The following ANOS1 variants were observed in gnomAD, a reference collection of about 807,000 sequenced individuals.
ANOS1 encodes anosmin 1, also known as anosmin-1.
In ANOS1, 6 loss-of-function variants were observed where a neutral mutation model predicts 59.0. The ratio of observed to expected loss-of-function variants is 0.10; its 90% CI spans 0.06 to 0.20. The LOEUF is 0.20. Ranked by LOEUF, ANOS1 falls within the 10% of genes least tolerant of loss-of-function variation. ANOS1 has a pLI of 1.00. For synonymous variants in ANOS1, 217 were observed against 223.4 expected (o/e 0.97, Z 0.25); for missense variants, 433 against 542.3 (o/e 0.80, Z 2.00).
chrX:8,578,951 G>C (rs1421221394), intron 6 of ANOS1, among the ~76,000 whole-genome samples: 1 of 112,077 alleles, frequency 8.9e-6, no homozygotes, highest in Non-Finnish European at 1.9e-5. Flanking sequence ...ACAGTAGCCA[G>C]AAACAAACAC....
At chrX:8,594,662 A>ATATATATG (rs1930685226) in intron 4 of ANOS1, among the ~76,000 whole-genome samples, 1 of 14,585 alleles carries the variant, frequency 6.9e-5, no homozygotes, top group South Asian at 3.5e-3. Flanking sequence ...ATATGTGTAT[A>ATATATATG]TATATATATA....
At chrX:8,663,953 A>G (rs1345581032) in intron 2 of ANOS1, among the ~76,000 whole-genome samples, 1 of 111,448 alleles carries the variant, frequency 9.0e-6, no homozygotes, top group Non-Finnish European at 1.9e-5. Context: ...ACAGGAGCAG[A>G]AAACCAAACC....
intron 2 of ANOS1, among the ~76,000 whole-genome samples, chrX:8,680,451 T>C (rs1345865473): frequency 3.6e-5 from 4 of 111,794 alleles, no homozygotes; most frequent in East Asian, 5.6e-4. Context: ...TTCAATGATA[T>C]TTCTTCAAAT....
At chrX:8,698,661 C>T (rs1330618955) in intron 2 of ANOS1, among the ~76,000 whole-genome samples, 1 of 111,513 alleles carries the variant, frequency 9.0e-6, no homozygotes, top group Non-Finnish European at 1.9e-5. Flanking sequence ...TCATTCCTGC[C>T]TAGTATCTAG....
chrX:8,543,946 TTGATCTGGTTC>T (rs1929726503), intron 9 of ANOS1, among the ~76,000 whole-genome samples: 1 of 110,547 alleles, frequency 9.0e-6, no homozygotes, highest in African/African-American at 3.3e-5. Context: ...AAATACCCAG[TTGATCTGGTTC>T]CTTAGCTTAA....
intron 2 of ANOS1, among the ~76,000 whole-genome samples, chrX:8,668,394 CATATATATATATATAT>C (rs202229567): frequency 0.064 from 3,301 of 51,551 alleles, 220 homozygotes; most frequent in African/African-American, 0.21. Context: ...AGTATTCCAT[CATATATATATATATAT>C]ATATATATAT....
intron 2 of ANOS1, among the ~76,000 whole-genome samples, chrX:8,659,582 T>C (rs769936986): frequency 2.5e-4 from 18 of 73,329 alleles, no homozygotes; most frequent in Non-Finnish European, 4.3e-4. Context: ...GCTTGCTTGC[T>C]TGCCTTCCTT....
rs1253780666 is a variant in ANOS1 at position 8,535,340 on chromosome X, G to C, written c.1842+251C>G. ...GCTCAATCACTTATATACAAGATAG[G>C]GTAAGGTCTTTTCATGAGTTGGCTC... On this transcript the variant is annotated intron_variant, in intron 12 of 13. Coordinates refer to ENST00000262648, the MANE Select transcript of ANOS1 (RefSeq NM_000216.4). The C allele has an allele frequency of 5.7e-5, 24 of 421,536 alleles. No individual in the cohort carries two copies. The East Asian group carries it at 9.0e-4, about 16-fold the overall frequency. The allele number at this position is 421,536 out of a possible 1,213,427, so 34.7% of individuals were successfully genotyped here.
chrX:8,551,571 G>A (rs1406920121), intron 9 of ANOS1, among the ~76,000 whole-genome samples: 6 of 108,536 alleles, frequency 5.5e-5, no homozygotes, highest in African/African-American at 1.7e-4. Flanking sequence ...CCCAGGATGC[G>A]GACCAGCCTG....
intron 7 of ANOS1, among the ~76,000 whole-genome samples, chrX:8,569,152 A>G (rs1454081116): frequency 1.9e-4 from 21 of 111,746 alleles, no homozygotes; most frequent in Non-Finnish European, 1.5e-4. Context: ...GTGCTTCATT[A>G]TTTTCTGTCA....
intron 3 of ANOS1, among the ~76,000 whole-genome samples, chrX:8,622,986 T>C (rs1403445870): frequency 9.0e-6 from 1 of 110,508 alleles, no homozygotes; most frequent in Non-Finnish European, 1.9e-5. Context: ...AGATAATAGA[T>C]AGATGGATAG....
intron 8 of ANOS1, among the ~76,000 whole-genome samples, chrX:8,564,444 T>C (rs932726504): frequency 8.9e-6 from 1 of 111,886 alleles, no homozygotes; most frequent in Non-Finnish European, 1.9e-5. Flanking sequence ...ATCAAGCCAG[T>C]GGAGAGGAAT....
chrX:8,631,402 T>G (rs183381765), intron 2 of ANOS1, among the ~76,000 whole-genome samples: 3 of 111,050 alleles, frequency 2.7e-5, no homozygotes. Flanking sequence ...ACAAAGATCA[T>G]AGCATGTACA....
intron 2 of ANOS1, among the ~76,000 whole-genome samples, chrX:8,674,091 G>A (rs1055322353): frequency 8.9e-6 from 1 of 111,980 alleles, no homozygotes; most frequent in Non-Finnish European, 1.9e-5. Context: ...TAAACCAAGT[G>A]TAACAACCTT....
rs35836743 is a variant in ANOS1 at position 8,597,658 on chromosome X, CTTTTTTTTT to C, written c.319-411_319-403del. ...ACTCTCTTTAATTTTTTCTTTCTCC[CTTTTTTTTT>C]TTTTTTTTTTTTTTTTTTTTACAGT... is the stretch of plus-strand genomic sequence containing the variant. On this transcript the variant is annotated intron_variant, in intron 3 of 13. Transcript: ENST00000262648. Among the ~76,000 whole-genome samples the C allele has an allele frequency of 5.2e-4, 13 of 25,164 alleles. No individual in the cohort carries two copies. The East Asian group carries it at 0.012, about 23-fold the overall frequency. 21.9% of individuals were successfully genotyped at this position (25,164 alleles called of 115,157 possible). A position where few individuals can be genotyped will look rare whatever the true frequency, so the allele number is the denominator to read the frequency against.
chrX:8,610,024 AAAAAAAAAAAAC>A (rs1368262231), intron 3 of ANOS1, among the ~76,000 whole-genome samples: 1 of 88,872 alleles, frequency 1.1e-5, no homozygotes, highest in Non-Finnish European at 2.2e-5. Flanking sequence ...AAAAAAAAAA[AAAAAAAAAAAAC>A]AACAACCTTT....
chrX:8,610,992 AG>A (rs1281739150), intron 3 of ANOS1, among the ~76,000 whole-genome samples: 2 of 111,054 alleles, frequency 1.8e-5, no homozygotes, highest in African/African-American at 6.6e-5. Flanking sequence ...AGGGATCTAC[AG>A]AAGCAGGACC....
At chrX:8,666,891 G>C (rs1421479854) in intron 2 of ANOS1, among the ~76,000 whole-genome samples, 2 of 111,102 alleles carry the variant, frequency 1.8e-5, no homozygotes, top group Non-Finnish European at 1.9e-5. Flanking sequence ...TGAGGTTGAG[G>C]GGGGCCCAGA....
chrX:8,569,381 G>A (rs865922586), intron 7 of ANOS1, among the ~76,000 whole-genome samples: 3 of 112,506 alleles, frequency 2.7e-5, no homozygotes, highest in Admixed American at 9.4e-5. Flanking sequence ...GGTGGCTCAC[G>A]CCTGTAATCC....
Sources: gnomAD v4.1 joint callset for allele counts (sites outside exome capture counted in the v4.1 genomes callset) on GRCh38, gnomAD v4.1.1 for gene constraint, MANE v1.5 for transcripts, NCBI Gene and HGNC (gene_info 2026-07-23, HGNC 2026-07-21) for gene names.